The following AKR1C8 variants were observed in gnomAD, a reference collection of about 807,000 sequenced individuals.
AKR1C8 encodes aldo-keto reductase family 1 member C-like protein 1.
the AKR1C8 span, among the ~76,000 whole-genome samples, chr10:5,173,368 G>A: frequency 6.6e-6 from 1 of 152,098 alleles, no homozygotes; most frequent in Admixed American, 6.6e-5. Flanking sequence ...GAGGGAGGAT[G>A]GCAGAGGTGG....
chr10:5,178,650 G>C, the AKR1C8 span, among the ~76,000 whole-genome samples: 2 of 152,200 alleles, frequency 1.3e-5, no homozygotes, highest in African/African-American at 2.4e-5. Context: ...CTTGCTTTAT[G>C]AATCTGGGTG....
the AKR1C8 span, among the ~76,000 whole-genome samples, chr10:5,169,919 G>T: frequency 6.6e-6 from 1 of 152,058 alleles, no homozygotes; most frequent in Admixed American, 6.6e-5. Flanking sequence ...TTTCTTATTT[G>T]TTGACAATGA....
At chr10:5,142,501 G>A in the AKR1C8 span, among the ~76,000 whole-genome samples, 7 of 152,178 alleles carry the variant, frequency 4.6e-5, no homozygotes, top group African/African-American at 1.7e-4. Context: ...TAGCTTTTGT[G>A]CTTAAATGAA....
At chr10:5,137,965 G>A in the AKR1C8 span, among the ~76,000 whole-genome samples, 1 of 152,092 alleles carries the variant, frequency 6.6e-6, no homozygotes, top group Non-Finnish European at 1.5e-5. Context: ...AAGATCACAT[G>A]CTTCTGAGGG....
the AKR1C8 span, among the ~76,000 whole-genome samples, chr10:5,174,373 T>A: frequency 6.6e-6 from 1 of 152,020 alleles, no homozygotes; most frequent in Non-Finnish European, 1.5e-5. Flanking sequence ...TTAGTTCACG[T>A]GACTTTAATC....
chr10:5,165,975 T>C, the AKR1C8 span, among the ~76,000 whole-genome samples: 1 of 152,228 alleles, frequency 6.6e-6, no homozygotes, highest in East Asian at 1.9e-4. Context: ...GTGACTCCTA[T>C]AACAGTCACT....
chr10:5,140,193 T>C, the AKR1C8 span, among the ~76,000 whole-genome samples: 1 of 152,156 alleles, frequency 6.6e-6, no homozygotes, highest in Non-Finnish European at 1.5e-5. Flanking sequence ...TTTTACACTG[T>C]TGGTGGGAGT....
chr10:5,183,455 A>G, the AKR1C8 span, among the ~76,000 whole-genome samples: 3 of 152,202 alleles, frequency 2.0e-5, no homozygotes, highest in African/African-American at 7.2e-5. Context: ...ATTTTAATAC[A>G]TGTACTCTAA....
At chr10:5,177,873 C>G in the AKR1C8 span, among the ~76,000 whole-genome samples, 185 of 152,096 alleles carry the variant, frequency 1.2e-3, 1 homozygote, top group African/African-American at 4.4e-3. Flanking sequence ...TCTCTCTTTT[C>G]TTCTTTATTA....
chr10:5,176,615 G>T, the AKR1C8 span, among the ~76,000 whole-genome samples: 2 of 151,884 alleles, frequency 1.3e-5, no homozygotes, highest in African/African-American at 4.8e-5. Flanking sequence ...CATGAGCATG[G>T]AATGTTCTTC....
chr10:5,119,423 G>A, the AKR1C8 span, among the ~76,000 whole-genome samples: 4 of 152,166 alleles, frequency 2.6e-5, no homozygotes, highest in Admixed American at 6.5e-5. Flanking sequence ...TTTCATGATT[G>A]TAAAAATGCA....
chr10:5,161,699 G>T, the AKR1C8 span: 1 of 533,422 alleles, frequency 1.9e-6, no homozygotes, highest in Non-Finnish European at 3.8e-6. Flanking sequence ...ACTCAATTGT[G>T]AAAGATACTC....
At chr10:5,183,388 A>T in the AKR1C8 span, among the ~76,000 whole-genome samples, 1 of 152,182 alleles carries the variant, frequency 6.6e-6, no homozygotes, top group Non-Finnish European at 1.5e-5. Context: ...ACTACCAATT[A>T]TCAGGACGTA....
At chr10:5,182,548 G>A in the AKR1C8 span, among the ~76,000 whole-genome samples, 1 of 152,020 alleles carries the variant, frequency 6.6e-6, no homozygotes, top group Non-Finnish European at 1.5e-5. Flanking sequence ...TTAAACTGAG[G>A]TATTATTATC....
the AKR1C8 span, among the ~76,000 whole-genome samples, chr10:5,142,913 T>C: frequency 4.6e-5 from 7 of 152,082 alleles, no homozygotes; most frequent in African/African-American, 1.7e-4. Flanking sequence ...GTTCAATTCC[T>C]TTTTTAAAAA....
the AKR1C8 span, among the ~76,000 whole-genome samples, chr10:5,167,407 G>A: frequency 6.6e-6 from 1 of 152,168 alleles, no homozygotes. Flanking sequence ...ATGATAGACT[G>A]GATTAAGAAA....
the AKR1C8 span, among the ~76,000 whole-genome samples, chr10:5,166,414 A>T: frequency 3.3e-5 from 5 of 152,222 alleles, no homozygotes; most frequent in Admixed American, 3.3e-4. Flanking sequence ...TACCCAAAAC[A>T]GCATGGTACT....
the AKR1C8 span, among the ~76,000 whole-genome samples, chr10:5,131,665 T>C: frequency 7.2e-6 from 1 of 138,444 alleles, no homozygotes; most frequent in South Asian, 2.2e-4. Flanking sequence ...GGTTATAATT[T>C]AAAAGTAAAA....
chr10:5,151,311 T>C, the AKR1C8 span, among the ~76,000 whole-genome samples: 3 of 151,354 alleles, frequency 2.0e-5, no homozygotes, highest in Non-Finnish European at 4.4e-5. Context: ...GTGGCTAATA[T>C]ATTAGTCCTA....
Sources: allele counts gnomAD v4.1 joint callset (sites outside exome capture counted in the v4.1 genomes callset), GRCh38; gene constraint gnomAD v4.1.1; transcripts MANE v1.5; gene names NCBI Gene and HGNC (gene_info 2026-07-23, HGNC 2026-07-21).